The following MRPL45 variants were observed in gnomAD, a reference collection of about 807,000 sequenced individuals.
MRPL45 encodes the protein mitochondrial ribosomal protein L45.
In MRPL45, 20 loss-of-function variants were observed where a neutral mutation model predicts 38.1. The ratio of observed to expected loss-of-function variants is 0.53; its 90% CI spans 0.37 to 0.76. MRPL45 has a LOEUF of 0.76. Ranked by LOEUF, MRPL45 falls within the 30% of genes least tolerant of loss-of-function variation. MRPL45 has a pLI of 0.00. For synonymous variants in MRPL45, 105 were observed against 128.8 expected, an observed-to-expected ratio of 0.82 and a Z score of 1.25; for missense variants, 337 against 395.6, an observed-to-expected ratio of 0.85 and a Z score of 1.26.
intron 4 of MRPL45, among the ~76,000 whole-genome samples, chr17:38,314,572 T>C (rs1405497240): frequency 1.3e-5 from 2 of 152,254 alleles, no homozygotes; most frequent in African/African-American, 4.8e-5. Flanking sequence ...CCTTCCTTTT[T>C]CTCTAAGATT....
intron 5 of MRPL45, 82 bp downstream of exon 5, chr17:38,318,817 C>CTTT: frequency 1.2e-6 from 1 of 856,980 alleles, no homozygotes; most frequent in Non-Finnish European, 1.8e-6. Flanking sequence ...CTTTTCTTTT[C>CTTT]TTTTCTTTTC....
At chr17:38,314,290 GAC>G (rs2037153690) in intron 4 of MRPL45, among the ~76,000 whole-genome samples, 1 of 152,030 alleles carries the variant, frequency 6.6e-6, no homozygotes, top group Non-Finnish European at 1.5e-5. Flanking sequence ...TTTTAGTAGA[GAC>G]AGGGTTTCAC....
intron 3 of MRPL45, among the ~76,000 whole-genome samples, chr17:38,302,506 G>T (rs867427930): frequency 0.09 from 3,491 of 38,798 alleles, 291 homozygotes; most frequent in Non-Finnish European, 0.16. Flanking sequence ...AAAAAAAAAA[G>T]TTTGTTTTTT....
At chr17:38,316,916 G>C (rs2037179459) in intron 4 of MRPL45, among the ~76,000 whole-genome samples, 1 of 151,936 alleles carries the variant, frequency 6.6e-6, no homozygotes, top group South Asian at 2.1e-4. Flanking sequence ...TCCTGCCTCA[G>C]CCTCCTGAAT....
At chr17:38,317,702 G>C (rs2037188437) in intron 4 of MRPL45, among the ~76,000 whole-genome samples, 1 of 151,956 alleles carries the variant, frequency 6.6e-6, no homozygotes, top group African/African-American at 2.4e-5. Context: ...CTCCTGAGTA[G>C]CTGGGACTAC....
At chr17:38,297,415 C>T (rs981080832) in intron 1 of MRPL45, among the ~76,000 whole-genome samples, 166 bp downstream of exon 1, 46 of 152,032 alleles carry the variant, frequency 3.0e-4, no homozygotes, top group African/African-American at 1.1e-3. Flanking sequence ...GCTCAGTGGT[C>T]GAATGGGGAT....
intron 3 of MRPL45, among the ~76,000 whole-genome samples, chr17:38,305,613 G>A (rs2037045437): frequency 6.8e-6 from 1 of 147,452 alleles, no homozygotes. Flanking sequence ...AGCCTCCCAA[G>A]TAGCTGGGAT....
At chr17:38,312,296 T>A (rs2037120568) in intron 4 of MRPL45, among the ~76,000 whole-genome samples, 1 of 152,144 alleles carries the variant, frequency 6.6e-6, no homozygotes, top group Non-Finnish European at 1.5e-5. Context: ...TCCGCCTGCC[T>A]CGGCCTCCGT....
chr17:38,321,161 A>G (rs1264574788), intron 6 of MRPL45, among the ~76,000 whole-genome samples: 2 of 151,936 alleles, frequency 1.3e-5, no homozygotes, highest in African/African-American at 4.8e-5. Flanking sequence ...TTTTTTGTAG[A>G]GACCAGTCTT....
rs141441769 is a variant in MRPL45, at chr17:38,315,913, C to T, written c.462-2774C>T. Among the ~76,000 whole-genome samples, 417 of 152,088 alleles carry T rather than the reference C, an allele frequency of 2.7e-3. 2 individuals carry two copies. The highest frequency in any genetic ancestry group is 9.6e-3 in the African/African-American group (397 of 41,492). On this transcript the variant is annotated intron_variant, in intron 4 of 7. Coordinates refer to ENST00000613675, the MANE Select transcript of MRPL45 (RefSeq NM_032351.6). Reference sequence around the variant, plus strand: ...TCAGTCTCCCAAGTAGCTGGGATTACAGGCACTTGCCACCCACACCTGGCT... The same window carrying T: ...TCAGTCTCCCAAGTAGCTGGGATTATAGGCACTTGCCACCCACACCTGGCT...
At chr17:38,316,662 G>T (rs944399661) in intron 4 of MRPL45, among the ~76,000 whole-genome samples, 2 of 133,354 alleles carry the variant, frequency 1.5e-5, no homozygotes, top group Non-Finnish European at 3.1e-5. Flanking sequence ...TACAAAAAAA[G>T]CTGGGTGTGG....
At chr17:38,302,379 C>T (rs1199722449) in intron 3 of MRPL45, among the ~76,000 whole-genome samples, 4 of 147,396 alleles carry the variant, frequency 2.7e-5, no homozygotes, top group Non-Finnish European at 3.0e-5. Flanking sequence ...CTCAGCTACT[C>T]GGAAGGCTGA....
chr17:38,307,064 G>A (rs896234337), intron 4 of MRPL45, among the ~76,000 whole-genome samples: 2 of 150,954 alleles, frequency 1.3e-5, no homozygotes, highest in African/African-American at 2.4e-5. Context: ...ATGGAGTCTC[G>A]CTCTGTCGCC....
intron 6 of MRPL45, among the ~76,000 whole-genome samples, chr17:38,321,788 TGA>T (rs2037232349): frequency 6.6e-6 from 1 of 152,090 alleles, no homozygotes; most frequent in Admixed American, 6.6e-5. Context: ...CCCAGCACTT[TGA>T]GAGGCCGAAG....
At chr17:38,313,501 T>C (rs746824751) in intron 4 of MRPL45, among the ~76,000 whole-genome samples, 3 of 147,782 alleles carry the variant, frequency 2.0e-5, no homozygotes, top group Non-Finnish European at 4.5e-5. Flanking sequence ...GGACTACAGG[T>C]GTGAGCCACC....
intron 4 of MRPL45, among the ~76,000 whole-genome samples, chr17:38,313,317 T>G (rs1267017598): frequency 2.8e-5 from 1 of 35,502 alleles, no homozygotes; most frequent in Admixed American, 4.1e-4. Context: ...AAAAAATATA[T>G]ATATATATAT....
intron 4 of MRPL45, among the ~76,000 whole-genome samples, chr17:38,310,130 CTT>C (rs71135802): frequency 3.9e-4 from 48 of 122,224 alleles, no homozygotes; most frequent in African/African-American, 1.4e-3. Flanking sequence ...TTAGAATTTT[CTT>C]TTTTTTTTTT....
At chr17:38,320,519 G>C in intron 5 of MRPL45, 99 bp from the exon 6 acceptor site, 1 of 1,274,266 alleles carries the variant, frequency 7.8e-7, no homozygotes, top group Non-Finnish European at 1.1e-6. Flanking sequence ...CGTGCTGCCT[G>C]TTGGCTGTAG....
rs778306263 is a variant in MRPL45 at position 38,322,511 on chromosome 17, G to A, written c.837G>A (p.Thr279=). Residue 279 remains threonine, a splice_region_variant and synonymous_variant, in exon 8 of 8, where the codon ACG becomes ACA. Coordinates refer to ENST00000613675, the MANE Select transcript of MRPL45 (RefSeq NM_032351.6). ...AACCTGGCGTCCTACTCTTTCAGACGGTGATGATCCCTGGCCCTCAGCTGA... is the reference window on the plus strand; with the variant it reads ...AACCTGGCGTCCTACTCTTTCAGACAGTGATGATCCCTGGCCCTCAGCTGA... ...WAPPKQPILK[T]VMIPGPQLKP... The A allele has an allele frequency of 4.6e-5, 74 of 1,613,116 alleles. No homozygotes were observed. Among genetic ancestry groups the A allele is most frequent in the East Asian group, 8.9e-5 (4 of 44,876 alleles).
Sources: gnomAD v4.1 joint callset for allele counts (sites outside exome capture counted in the v4.1 genomes callset) on GRCh38, gnomAD v4.1.1 for gene constraint, MANE v1.5 for transcripts, NCBI Gene and HGNC (gene_info 2026-07-23, HGNC 2026-07-21) for gene names.